Variants in GLYR1 observed in about 807,000 individuals in gnomAD.
The protein encoded by GLYR1 is glyoxylate reductase 1 homolog.
GLYR1 carries 21 observed loss-of-function variants against 72.7 expected under a neutral mutation model. The observed-to-expected ratio is 0.29, with a 90% CI of 0.20 to 0.42. The LOEUF is 0.42. Ranked by LOEUF, GLYR1 falls within the 10% of genes least tolerant of loss-of-function variation. The pLI, the probability that GLYR1 is intolerant of heterozygous loss-of-function variation, is 1.00. For missense variants in GLYR1, 594 were observed against 712.1 expected (o/e 0.83, Z 1.89); for synonymous variants, 392 against 270.2 (o/e 1.45, Z -4.42).
chr16:4,843,327 GTAT>G (rs2085702037), intron 3 of GLYR1: 1 of 358,496 alleles, frequency 2.8e-6, no homozygotes, highest in African/African-American at 2.2e-5. Context: ...GCTAATTTTT[GTAT>G]TTTTTGTAGA....
chr16:4,833,656 A>C (rs564027134), intron 3 of GLYR1, among the ~76,000 whole-genome samples: 1 of 152,276 alleles, frequency 6.6e-6, no homozygotes, highest in East Asian at 1.9e-4. Flanking sequence ...AAAAAAAAAA[A>C]AATAGAAACA....
intron 3 of GLYR1, among the ~76,000 whole-genome samples, chr16:4,836,141 C>G (rs2142026671): frequency 6.6e-6 from 1 of 152,204 alleles, no homozygotes; most frequent in East Asian, 1.9e-4. Context: ...CAGTTGGCGC[C>G]TCAACAATGC....
At chr16:4,843,342 A>G (rs1195277054) in intron 3 of GLYR1, 2 of 417,650 alleles carry the variant, frequency 4.8e-6, no homozygotes, top group South Asian at 3.4e-5. Context: ...TTTTGTAGAG[A>G]CGGGGTTTTG....
chr16:4,815,611 A>G (rs1340900245), intron 10 of GLYR1, among the ~76,000 whole-genome samples: 1 of 152,234 alleles, frequency 6.6e-6, no homozygotes, highest in Non-Finnish European at 1.5e-5. Flanking sequence ...AAGGCTCTCA[A>G]CAAATGTAGA....
chr16:4,830,096 G>T (rs1567754720), intron 5 of GLYR1, among the ~76,000 whole-genome samples: 1 of 151,052 alleles, frequency 6.6e-6, no homozygotes. Context: ...GAGCTACCAT[G>T]CCTGGCCAAT....
At chr16:4,821,649 T>A (rs140805423) in intron 7 of GLYR1, 52 bp from the exon 8 acceptor site, 3 of 1,528,594 alleles carry the variant, frequency 2.0e-6, no homozygotes. Context: ...GCTTAACCAG[T>A]CTTCATAATA....
At chr16:4,826,515 G>A (rs919632202) in intron 5 of GLYR1, among the ~76,000 whole-genome samples, 2 of 152,198 alleles carry the variant, frequency 1.3e-5, no homozygotes, top group East Asian at 3.8e-4. Flanking sequence ...TACAGTCCAG[G>A]TTCAATTCTT....
At position 4,823,885 on chromosome 16, in the gene GLYR1, C is replaced by T; in HGVS notation, c.560G>A (p.Ser187Asn). The T allele has an allele frequency of 6.2e-7, 1 of 1,614,100 alleles. No homozygotes were observed. Among genetic ancestry groups the T allele is most frequent in the Non-Finnish European group, 8.5e-7 (1 of 1,180,006 alleles). ...DEKDLTIPES[S>N]TVKGMMAGPM... The stretch of plus-strand genomic sequence containing the variant: ...TCCGGCCATCATCCCCTTCACGGTA[C>T]TAGACTCCGGGATGGTGAGATCCTA... The change falls in exon 6 of 16, where the codon AGT becomes AAT. Residue 187 changes from serine to asparagine, a missense_variant. By Grantham distance (46) the Ser-to-Asn change is conservative (BLOSUM62 1). Coordinates refer to ENST00000321919, the MANE Select transcript of GLYR1 (RefSeq NM_032569.4).
rs1014662483 is a variant in GLYR1 at position 4,823,984 on chromosome 16, G to T, written c.538-77C>A. 4 of 1,229,212 alleles carry T rather than the reference G, an allele frequency of 3.3e-6. No individual in the cohort carries two copies. The East Asian group carries it at 9.4e-5, about 29-fold the overall frequency. 76.1% of individuals were successfully genotyped at this position (1,229,212 alleles called of 1,614,324 possible). ...ACCCCTTGCAAGCTCCACAGTCTAA[G>T]GGAAAGTTCAAGCCAATCCCCAACC... is the stretch of plus-strand genomic sequence containing the variant. On this transcript the variant is annotated intron_variant, in intron 5 of 15. Coordinates refer to ENST00000321919, the MANE Select transcript of GLYR1 (RefSeq NM_032569.4).
chr16:4,825,002 T>A (rs1047788423), intron 5 of GLYR1, among the ~76,000 whole-genome samples: 3 of 152,160 alleles, frequency 2.0e-5, no homozygotes, highest in Non-Finnish European at 2.9e-5. Context: ...GGCTTTACAG[T>A]TGGCGATCTG....
intron 15 of GLYR1, 96 bp from the exon 16 acceptor site, chr16:4,805,406 C>A: frequency 9.7e-7 from 1 of 1,028,626 alleles, no homozygotes. Flanking sequence ...GGCCAGCAGG[C>A]AGTGCTGGAG....
intron 9 of GLYR1, among the ~76,000 whole-genome samples, chr16:4,819,036 C>A (rs996814643): frequency 6.6e-6 from 1 of 152,220 alleles, no homozygotes; most frequent in Non-Finnish European, 1.5e-5. Context: ...TTACGGATGA[C>A]TTTTAGCTTG....
chr16:4,832,228 G>A lies in GLYR1; in HGVS notation c.295-7C>T, dbSNP rs749880375. ...AAGAATTGTGGGATGACGTCTGAAA[G>A]TTTAATAATAATAATGATAACTACC... On this transcript the variant is annotated splice_region_variant and splice_polypyrimidine_tract_variant and intron_variant, in intron 4 of 15. Transcript: ENST00000321919. The A allele has an allele frequency of 3.1e-6, 5 of 1,613,594 alleles. No homozygotes were observed. The highest frequency in any genetic ancestry group is 2.2e-5 in the East Asian group (1 of 44,870).
chr16:4,817,706 G>A lies in GLYR1; in HGVS notation c.807-9C>T. 2 of 1,542,478 alleles carry A rather than the reference G, an allele frequency of 1.3e-6. No individual in the cohort carries two copies. Among genetic ancestry groups the A allele is most frequent in the Non-Finnish European group, 1.8e-6 (2 of 1,114,690 alleles). On this transcript the variant is annotated splice_polypyrimidine_tract_variant and intron_variant, in intron 9 of 15. Coordinates refer to ENST00000321919, the MANE Select transcript of GLYR1 (RefSeq NM_032569.4). ...GGCCCAAAAATCCTATCCTGAAACA[G>A]AGAGAGACTGATGAGTTCAGGGTGG...
At chr16:4,834,104 G>A (rs761869423) in intron 3 of GLYR1, among the ~76,000 whole-genome samples, 16 of 152,068 alleles carry the variant, frequency 1.1e-4, no homozygotes, top group Non-Finnish European at 2.1e-4. Flanking sequence ...CAGCTACCTG[G>A]ACTTTGAGTG....
chr16:4,824,825 T>C (rs1466361931), intron 5 of GLYR1, among the ~76,000 whole-genome samples: 1 of 152,178 alleles, frequency 6.6e-6, no homozygotes, highest in Admixed American at 6.5e-5. Flanking sequence ...TTGCACTCCC[T>C]TTCCCCAGTC....
chr16:4,816,701 G>C (rs9924503), intron 10 of GLYR1, among the ~76,000 whole-genome samples: 152,172 of 152,172 alleles, frequency 1, 76,086 homozygotes, highest in Non-Finnish European at 1. Context: ...AAAATTACTT[G>C]TGGGCCAGGC....
chr16:4,813,921 G>A, intron 11 of GLYR1, 83 bp from the exon 12 acceptor site: 2 of 1,067,862 alleles, frequency 1.9e-6, no homozygotes, highest in Non-Finnish European at 2.6e-6. Context: ...TCAGAATCCT[G>A]CTGCTGTTTT....
At chr16:4,836,747 G>A (rs1366295495) in intron 3 of GLYR1, among the ~76,000 whole-genome samples, 3 of 152,026 alleles carry the variant, frequency 2.0e-5, no homozygotes. Flanking sequence ...TGTGGGATGG[G>A]GATGAATGCA....
Sources: allele counts gnomAD v4.1 joint callset (sites outside exome capture counted in the v4.1 genomes callset), GRCh38; gene constraint gnomAD v4.1.1; transcripts MANE v1.5; gene names NCBI Gene and HGNC (gene_info 2026-07-23, HGNC 2026-07-21).